TMEM37: variants seen among roughly 807,000 people sequenced by gnomAD.
The protein encoded by TMEM37 is transmembrane protein 37, also known as voltage-dependent calcium channel gamma-like subunit.
TMEM37 carries 12 observed loss-of-function variants against 11.0 expected under a neutral mutation model. That is an observed-to-expected ratio of 1.09 (90% CI 0.70 to 1.76). TMEM37 has a LOEUF of 1.76. Ranked by LOEUF, TMEM37 falls within the 40% of genes most tolerant of loss-of-function variation. The pLI is 0.00. For synonymous variants in TMEM37, 127 were observed against 110.5 expected, an observed-to-expected ratio of 1.15 and a Z score of -0.94; for missense variants, 203 against 251.2, an observed-to-expected ratio of 0.81 and a Z score of 1.30.
chr2:119,430,203 C>T, upstream of TMEM37: 1 of 639,584 alleles, frequency 1.6e-6, no homozygotes. Context: ...AGGCACCAGG[C>T]TGGCTGAGCC....
At chr2:119,434,773 A>C (rs60706031) in intron 1 of TMEM37, among the ~76,000 whole-genome samples, 5,143 of 152,214 alleles carry the variant, frequency 0.034, 113 homozygotes, top group African/African-American at 0.061. Context: ...CCAAGAGGGC[A>C]TGGGGCACAG....
Position 119,437,465 on chromosome 2 carries a change from AG to A in TMEM37, c.*28del, listed in dbSNP as rs1202714388. 1 of 1,592,722 alleles carries A rather than the reference AG, an allele frequency of 6.3e-7. No individual in the cohort carries two copies. Among genetic ancestry groups the A allele is most frequent in the African/African-American group, 1.3e-5 (1 of 74,120 alleles). On this transcript the variant is annotated 3_prime_UTR_variant, in exon 2 of 2. Coordinates refer to ENST00000306406, the MANE Select transcript of TMEM37 (RefSeq NM_183240.3). Reference sequence around the variant, plus strand: ...ACCGTGGAAATTTTAGGCCCCCTCCAGGGACATCAGATTCCACAAGAAAATA... The same window carrying A: ...ACCGTGGAAATTTTAGGCCCCCTCCAGGACATCAGATTCCACAAGAAAATA...
chr2:119,436,958 A>G lies in TMEM37; in HGVS notation c.91A>G (p.Ile31Val). The change falls in exon 2 of 2, where the codon ATC becomes GTC. Residue 31 changes from isoleucine (I) to valine (V), a missense_variant. Physicochemically the swap from Ile to Val is conservative, Grantham distance 29 (BLOSUM62 3). Transcript: ENST00000306406. ...TGAATCCTTCATCCGGACCCTCATC[A>G]TCACGTGTGTGGCCCTGGCTGTGGT... ...FFESFIRTLI[I>V]TCVALAVVLS... The G allele has an allele frequency of 1.2e-6, 2 of 1,614,188 alleles. No individual in the cohort carries two copies. Among genetic ancestry groups the G allele is most frequent in the Non-Finnish European group, 8.5e-7 (1 of 1,180,036 alleles).
In TMEM37 at chr2:119,431,918, C is replaced by T. The variant is rs984994172; in HGVS notation, c.15C>T (p.Gly5=). 1 of 1,225,458 alleles carries T rather than the reference C, an allele frequency of 8.2e-7. No individual in the cohort carries two copies. Among genetic ancestry groups the T allele is most frequent in the Non-Finnish European group, 1.0e-6 (1 of 983,862 alleles). The allele number at this position is 1,225,458 out of a possible 1,614,324, so 75.9% of individuals were successfully genotyped here. MTAV[G]VQAQRPLGQR... ...CCGGGCGCAGCATGACTGCCGTCGG[C>T]GTGCAGGTAGCCGGCGCCTGGCGGG... The change falls in exon 1 of 2, where the codon GGC becomes GGT. Residue 5 remains glycine (G), a synonymous_variant. Coordinates refer to ENST00000306406, the MANE Select transcript of TMEM37 (RefSeq NM_183240.3).
At chr2:119,430,143 A>G, upstream of TMEM37, 7 of 675,474 alleles carry the variant, frequency 1.0e-5, no homozygotes, top group South Asian at 1.3e-4. Context: ...GGGACCCTTG[A>G]CTGGGGAGAA....
chr2:119,430,266 G>A (rs1558823012), upstream of TMEM37: 3 of 632,844 alleles, frequency 4.7e-6, no homozygotes, highest in South Asian at 4.6e-5. Flanking sequence ...TGGCCCCCAG[G>A]CCAGCAGCAC....
chr2:119,435,790 G>A (rs1682484530), intron 1 of TMEM37, among the ~76,000 whole-genome samples: 1 of 152,174 alleles, frequency 6.6e-6, no homozygotes, highest in Non-Finnish European at 1.5e-5. Flanking sequence ...ATACCAGGAG[G>A]GGCCTGACTC....
upstream of TMEM37, among the ~76,000 whole-genome samples, chr2:119,430,753 A>G (rs1286789601): frequency 1.3e-5 from 2 of 152,052 alleles, no homozygotes; most frequent in Non-Finnish European, 2.9e-5. Context: ...GGGGGGAGGG[A>G]AGCCTTTCTG....
upstream of TMEM37, among the ~76,000 whole-genome samples, chr2:119,431,315 C>T (rs1682389645): frequency 6.6e-6 from 1 of 152,234 alleles, no homozygotes; most frequent in Admixed American, 6.5e-5. Context: ...AGTTCCACTC[C>T]GTTCACACTC....
At chr2:119,436,794 G>T in intron 1 of TMEM37, 95 bp from the exon 2 acceptor site, 1 of 997,634 alleles carries the variant, frequency 1.0e-6, no homozygotes, top group Non-Finnish European at 1.5e-6. Context: ...AGACAGTGCG[G>T]AGCAGGATGG....
At chr2:119,431,669 G>A (rs140473792), upstream of TMEM37, among the ~76,000 whole-genome samples, 3,291 of 152,326 alleles carry the variant, frequency 0.022, 114 homozygotes, top group Admixed American at 0.096. Context: ...TCCTCCCCGC[G>A]GCTCCCCAGG....
chr2:119,431,007 G>C (rs1335519344), upstream of TMEM37, among the ~76,000 whole-genome samples: 2 of 152,098 alleles, frequency 1.3e-5, no homozygotes, highest in Admixed American at 6.5e-5. Flanking sequence ...GGCTTGATGG[G>C]GCGCGCTTGT....
chr2:119,431,908 C>A lies in TMEM37; in HGVS notation c.5C>A (p.Thr2Asn), dbSNP rs1682404146. ...AGCGCGGCCGCCGGGCGCAGCATGA[C>A]TGCCGTCGGCGTGCAGGTAGCCGGC... M[T>N]AVGVQAQRPL... is the part of the protein sequence containing the mutation. The change falls in exon 1 of 2, where the codon ACT (threonine) becomes AAT (asparagine). Residue 2 changes from threonine (T) to asparagine (N), a missense_variant. Thr to Asn is a moderately conservative substitution (Grantham distance 65). Transcript: ENST00000306406. 3 of 1,226,006 alleles carry A rather than the reference C, an allele frequency of 2.4e-6. No individual in the cohort carries two copies. In the South Asian group the frequency reaches 1.2e-4, roughly 49 times the overall value. The allele number at this position is 1,226,006 out of a possible 1,614,324, so 75.9% of individuals were successfully genotyped here.
chr2:119,431,150 GA>G (rs111285790), upstream of TMEM37, among the ~76,000 whole-genome samples: 3,505 of 142,524 alleles, frequency 0.025, 126 homozygotes, highest in African/African-American at 0.084. Flanking sequence ...ACAACGTCCA[GA>G]AAAAAAAAAA....
intron 1 of TMEM37, chr2:119,432,292 G>A (rs934879040): frequency 9.3e-6 from 2 of 214,708 alleles, no homozygotes. Context: ...GAAATGAGGC[G>A]CGTCTGGGGT....
chr2:119,430,300 C>A, upstream of TMEM37: 1 of 588,814 alleles, frequency 1.7e-6, no homozygotes, highest in South Asian at 1.5e-5. Flanking sequence ...GGCCACTCAG[C>A]CAGAAACTCT....
chr2:119,433,092 G>C (rs1682435180), intron 1 of TMEM37, among the ~76,000 whole-genome samples: 1 of 152,234 alleles, frequency 6.6e-6, no homozygotes, highest in Admixed American at 6.5e-5. Flanking sequence ...TACAGCCCAT[G>C]TAGGGAGAGA....
chr2:119,437,106 A>T lies in TMEM37; in HGVS notation c.239A>T (p.His80Leu). The T allele has an allele frequency of 6.2e-7, 1 of 1,614,054 alleles. No individual in the cohort carries two copies. Among genetic ancestry groups the T allele is most frequent in the Non-Finnish European group, 8.5e-7 (1 of 1,179,968 alleles). Residue 80 changes from histidine to leucine, a missense_variant, in exon 2 of 2, where the codon CAT becomes CTT. His to Leu is a moderately conservative substitution (Grantham distance 99, BLOSUM62 -3). Coordinates refer to ENST00000306406, the MANE Select transcript of TMEM37 (RefSeq NM_183240.3). ...TICFRDLGQA[H>L]VPGLAVGMGL... ...TGCTTCAGAGACCTGGGCCAGGCCC[A>T]TGTGCCCGGGCTGGCCGTGGGCATG... is the stretch of plus-strand genomic sequence containing the variant.
rs1405895645 is a variant in TMEM37 at position 119,435,603 on chromosome 2, G to A, written c.22-1286G>A. 2.0e-5 allele frequency among the ~76,000 whole-genome samples: 3 copies of A among 152,222 alleles called. No homozygotes were observed. In the South Asian group the frequency reaches 6.2e-4, roughly 32 times the overall value. On this transcript the variant is annotated intron_variant, in intron 1 of 1. Coordinates refer to ENST00000306406, the MANE Select transcript of TMEM37 (RefSeq NM_183240.3). ...GACTTATCTCACAGCTCTCCCTTGA[G>A]CACCCACTGAATGCCCAGGTATTGG...
Sources: gnomAD v4.1 joint callset for allele counts (sites outside exome capture counted in the v4.1 genomes callset) on GRCh38, gnomAD v4.1.1 for gene constraint, MANE v1.5 for transcripts, NCBI Gene and HGNC (gene_info 2026-07-23, HGNC 2026-07-21) for gene names.